FAM168A: variants seen among roughly 807,000 people sequenced by gnomAD.
The protein encoded by FAM168A is family with sequence similarity 168 member A.
FAM168A carries 3 observed loss-of-function variants against 28.5 expected under a neutral mutation model. The observed-to-expected ratio is 0.11, with a 90% confidence interval of 0.05 to 0.27. FAM168A has a LOEUF of 0.27. Ranked by LOEUF, FAM168A falls within the 10% of genes least tolerant of loss-of-function variation. The pLI is 1.00. For missense variants in FAM168A, 222 were observed against 311.5 expected (o/e 0.71, Z 2.16); for synonymous variants, 122 against 124.2 (o/e 0.98, Z 0.12).
intron 5 of FAM168A, 96 bp downstream of exon 5, chr11:73,411,298 C>G: frequency 5.1e-6 from 7 of 1,372,572 alleles, no homozygotes; most frequent in Non-Finnish European, 6.9e-6. Context: ...ACAAACCATC[C>G]TCTCCTTCCC....
intron 3 of FAM168A, among the ~76,000 whole-genome samples, chr11:73,420,563 T>C (rs142677170): frequency 2.8e-4 from 43 of 152,350 alleles, no homozygotes; most frequent in Middle Eastern, 6.8e-3. Flanking sequence ...ACACCGAACC[T>C]AGTTAGCCAG....
At chr11:73,578,904 A>G (rs143504656) in intron 1 of FAM168A, among the ~76,000 whole-genome samples, 328 of 152,308 alleles carry the variant, frequency 2.2e-3, no homozygotes, top group African/African-American at 7.3e-3. Flanking sequence ...TATCCATCTT[A>G]GTCAGCTCAG....
chr11:73,446,825 T>C (rs1455908352), intron 2 of FAM168A, among the ~76,000 whole-genome samples: 1 of 152,156 alleles, frequency 6.6e-6, no homozygotes, highest in Non-Finnish European at 1.5e-5. Context: ...TTTCCCTCTC[T>C]CTCCAATCCA....
intron 1 of FAM168A, among the ~76,000 whole-genome samples, chr11:73,542,085 G>A (rs888482374): frequency 6.6e-6 from 1 of 152,112 alleles, no homozygotes; most frequent in East Asian, 1.9e-4. Flanking sequence ...CTATGTTAGA[G>A]TGTCCAGAGT....
chr11:73,575,163 C>G (rs1445938494), intron 1 of FAM168A, among the ~76,000 whole-genome samples: 1 of 152,170 alleles, frequency 6.6e-6, no homozygotes, highest in Non-Finnish European at 1.5e-5. Context: ...AAGTCTGAGG[C>G]TATTTCCAGT....
At chr11:73,491,850 C>G (rs1045321118) in intron 1 of FAM168A, among the ~76,000 whole-genome samples, 5 of 152,188 alleles carry the variant, frequency 3.3e-5, no homozygotes, top group African/African-American at 1.2e-4. Context: ...TTTGTTCACT[C>G]CCTTGTTTCT....
At chr11:73,528,895 C>T (rs1209982582) in intron 1 of FAM168A, among the ~76,000 whole-genome samples, 2 of 152,236 alleles carry the variant, frequency 1.3e-5, no homozygotes, top group African/African-American at 4.8e-5. Flanking sequence ...GTCTACCTAA[C>T]TTCAGCCCCC....
chr11:73,477,960 GATAGATAGATAA>G (rs1867913365), intron 1 of FAM168A, among the ~76,000 whole-genome samples: 1 of 142,614 alleles, frequency 7.0e-6, no homozygotes, highest in South Asian at 2.1e-4. Flanking sequence ...TAGATAGATA[GATAGATAGATAA>G]AACAAGGTAT....
At chr11:73,465,510 G>A (rs1307330816) in intron 2 of FAM168A, among the ~76,000 whole-genome samples, 1 of 152,146 alleles carries the variant, frequency 6.6e-6, no homozygotes, top group Non-Finnish European at 1.5e-5. Context: ...CAGACTGGGT[G>A]GCTTAAACAA....
intron 1 of FAM168A, among the ~76,000 whole-genome samples, chr11:73,485,082 T>C (rs1370771447): frequency 6.6e-6 from 1 of 152,196 alleles, no homozygotes; most frequent in African/African-American, 2.4e-5. Context: ...CCAAGATCAA[T>C]ACTTTGCATC....
intron 2 of FAM168A, among the ~76,000 whole-genome samples, chr11:73,450,355 C>A (rs574802024): frequency 1.3e-5 from 2 of 152,322 alleles, no homozygotes; most frequent in Admixed American, 6.5e-5. Flanking sequence ...CCATTAGAAT[C>A]ATCCAGAGAG....
intron 1 of FAM168A, among the ~76,000 whole-genome samples, chr11:73,564,251 C>T (rs560847994): frequency 3.5e-4 from 53 of 152,296 alleles, no homozygotes; most frequent in African/African-American, 1.0e-3. Flanking sequence ...GAAATTCCTA[C>T]CCAAACTATA....
chr11:73,551,873 C>A (rs913876795), intron 1 of FAM168A, among the ~76,000 whole-genome samples: 1 of 152,230 alleles, frequency 6.6e-6, no homozygotes, highest in African/African-American at 2.4e-5. Context: ...GCATTCAGAA[C>A]TGCCATGTGC....
At chr11:73,475,607 C>T (rs1437175016) in intron 1 of FAM168A, among the ~76,000 whole-genome samples, 2 of 151,892 alleles carry the variant, frequency 1.3e-5, no homozygotes, top group Non-Finnish European at 2.9e-5. Context: ...AAACCCTTTC[C>T]CCCAAAAGCA....
chr11:73,546,401 G>C (rs944144021), intron 1 of FAM168A, among the ~76,000 whole-genome samples: 2 of 152,194 alleles, frequency 1.3e-5, no homozygotes, highest in African/African-American at 2.4e-5. Flanking sequence ...AAATAAGACA[G>C]CTTCTCAATA....
intron 1 of FAM168A, among the ~76,000 whole-genome samples, chr11:73,546,031 T>C (rs924974304): frequency 2.0e-5 from 3 of 152,194 alleles, no homozygotes; most frequent in African/African-American, 7.2e-5. Context: ...CTAGGGCTCT[T>C]TCTTAGCTCT....
intron 1 of FAM168A, among the ~76,000 whole-genome samples, chr11:73,566,986 T>C (rs1944027255): frequency 6.6e-6 from 1 of 151,682 alleles, no homozygotes; most frequent in Non-Finnish European, 1.5e-5. Context: ...GCAACACGAG[T>C]AGAGATTTGG....
rs199575962 is a variant in FAM168A at position 73,468,358 on chromosome 11, C to A, written c.70+47G>T. ...GGAGGAGCAAGTTATTTGGTAATAT[C>A]CTTAACCACCATTTCTCAAAATGAG... On this transcript the variant is annotated intron_variant, in intron 2 of 7. Coordinates refer to ENST00000356467, the MANE Select transcript of FAM168A (RefSeq NM_015159.3). 1.5e-5 allele frequency: 24 copies of A among 1,572,330 alleles called. No individual in the cohort carries two copies. In the East Asian group the frequency reaches 5.4e-4, roughly 35 times the overall value.
intron 1 of FAM168A, among the ~76,000 whole-genome samples, chr11:73,557,390 GT>G (rs1038257830): frequency 5.9e-4 from 87 of 146,670 alleles, no homozygotes; most frequent in African/African-American, 1.6e-3. Flanking sequence ...TCCTGGCTAA[GT>G]TTTTTTTTTT....
Sources: gnomAD v4.1 joint callset for allele counts (sites outside exome capture counted in the v4.1 genomes callset) on GRCh38, gnomAD v4.1.1 for gene constraint, MANE v1.5 for transcripts, NCBI Gene and HGNC (gene_info 2026-07-23, HGNC 2026-07-21) for gene names.